Variants in BBX observed in about 807,000 individuals in gnomAD.
The protein encoded by BBX is HMG box transcription factor BBX.
A neutral mutation model predicts 100.2 loss-of-function variants in BBX; 30 were observed. That is an observed-to-expected ratio of 0.30 (90% CI 0.22 to 0.41). BBX has a LOEUF of 0.41. BBX is among the 10% of genes least tolerant of loss of function. The pLI, the probability that BBX is intolerant of heterozygous loss-of-function variation, is 1.00. For missense variants in BBX, 1,023 were observed against 1,129.8 expected, an observed-to-expected ratio of 0.91 and a Z score of 1.35; for synonymous variants, 376 against 388.1, an observed-to-expected ratio of 0.97 and a Z score of 0.37.
At chr3:107,728,699 A>G in intron 5 of BBX, 66 bp from the exon 6 acceptor site, 2 of 1,418,244 alleles carry the variant, frequency 1.4e-6, no homozygotes, top group Non-Finnish European at 1.9e-6. Context: ...GAATGGGGTG[A>G]CAGCCTTTAG....
intron 3 of BBX, among the ~76,000 whole-genome samples, chr3:107,694,803 C>T (rs369767194): frequency 6.6e-6 from 1 of 151,718 alleles, no homozygotes; most frequent in African/African-American, 2.4e-5. Context: ...TGATATAATT[C>T]AGCTGTGAAT....
Position 107,523,010 on chromosome 3 carries a change from C to G in BBX, c.-253C>G. 6.5e-6 allele frequency: 1 copy of G among 153,234 alleles called. No homozygotes were observed. Among genetic ancestry groups the G allele is most frequent in the East Asian group, 1.9e-4 (1 of 5,340 alleles). The allele number at this position is 153,234 out of a possible 1,614,324, so 9.5% of individuals were successfully genotyped here. A position where few individuals can be genotyped will look rare whatever the true frequency, so the allele number is the denominator to read the frequency against. On this transcript the variant is annotated 5_prime_UTR_variant, in exon 1 of 18. Transcript: ENST00000325805. ...AGTGTACAGTGAAGCGGAGGCAGAGCGGCTCCGCGAGCTTCTCTCCACTTT... is the reference window on the plus strand; with the variant it reads ...AGTGTACAGTGAAGCGGAGGCAGAGGGGCTCCGCGAGCTTCTCTCCACTTT...
intron 13 of BBX, among the ~76,000 whole-genome samples, chr3:107,788,968 G>A (rs948283130): frequency 6.6e-6 from 1 of 152,108 alleles, no homozygotes; most frequent in Admixed American, 6.5e-5. Flanking sequence ...GTGATGGAAT[G>A]GCCCATTAGA....
chr3:107,641,428 A>T (rs1206425015), intron 2 of BBX, among the ~76,000 whole-genome samples: 1 of 152,200 alleles, frequency 6.6e-6, no homozygotes, highest in Non-Finnish European at 1.5e-5. Flanking sequence ...AATATTAAGT[A>T]CTGAAGGGGA....
intron 2 of BBX, among the ~76,000 whole-genome samples, chr3:107,584,852 C>G (rs1381020512): frequency 6.6e-6 from 1 of 151,368 alleles, no homozygotes; most frequent in Non-Finnish European, 1.5e-5. Context: ...CAACCACACC[C>G]AGTGGTTTTA....
chr3:107,675,943 C>A (rs566761822), intron 3 of BBX, among the ~76,000 whole-genome samples: 3 of 152,030 alleles, frequency 2.0e-5, no homozygotes, highest in Non-Finnish European at 4.4e-5. Flanking sequence ...AAATATGACA[C>A]CAGAAATAGC....
intron 2 of BBX, among the ~76,000 whole-genome samples, chr3:107,540,642 T>C (rs2048802641): frequency 6.6e-6 from 1 of 152,206 alleles, no homozygotes; most frequent in Non-Finnish European, 1.5e-5. Context: ...AACTGCCAAA[T>C]CACATTATGT....
chr3:107,659,716 CAT>C (rs2058344659), intron 3 of BBX: 2 of 1,282,880 alleles, frequency 1.6e-6, no homozygotes, highest in Non-Finnish European at 2.0e-6. Flanking sequence ...ATTATCCTCA[CAT>C]GTTTGGGTAT....
chr3:107,801,771 G>A (rs1027584106), intron 17 of BBX, among the ~76,000 whole-genome samples: 2 of 152,140 alleles, frequency 1.3e-5, no homozygotes, highest in Admixed American at 1.3e-4. Flanking sequence ...ATTGGTGATG[G>A]TGTTGGTGCC....
intron 3 of BBX, among the ~76,000 whole-genome samples, chr3:107,652,500 T>C (rs2057897376): frequency 6.6e-6 from 1 of 152,210 alleles, no homozygotes; most frequent in South Asian, 2.1e-4. Context: ...AAAAGCTATT[T>C]ATGAAATGAC....
intron 8 of BBX, among the ~76,000 whole-genome samples, chr3:107,746,201 A>G (rs1219629063): frequency 1.3e-5 from 2 of 152,150 alleles, no homozygotes; most frequent in East Asian, 1.9e-4. Context: ...TTCCCCTTAT[A>G]TAAATTGTTT....
Position 107,683,691 on chromosome 3 carries a change from G to A in BBX, c.-9-26761G>A, listed in dbSNP as rs371736585. ...TACTAACTGCTGACTTTATGGATGC[G>A]TCCCAAAAGTTAGATTTGGCGTTAG... On this transcript the variant is annotated intron_variant, in intron 3 of 17. Transcript: ENST00000325805. 3.3e-5 allele frequency among the ~76,000 whole-genome samples: 5 copies of A among 152,184 alleles called. No individual in the cohort carries two copies. In the East Asian group the frequency reaches 5.8e-4, roughly 18 times the overall value.
chr3:107,668,700 C>T (rs1310442260), intron 3 of BBX, among the ~76,000 whole-genome samples: 1 of 152,184 alleles, frequency 6.6e-6, no homozygotes, highest in Non-Finnish European at 1.5e-5. Context: ...TGGAGACAGC[C>T]TTTCTTCTTC....
intron 3 of BBX, among the ~76,000 whole-genome samples, chr3:107,692,106 G>T (rs2060209827): frequency 6.6e-6 from 1 of 151,586 alleles, no homozygotes; most frequent in Non-Finnish European, 1.5e-5. Flanking sequence ...CATTGTTTCT[G>T]CATTGTTTTT....
At chr3:107,785,292 T>C (rs1457344910) in intron 13 of BBX, among the ~76,000 whole-genome samples, 1 of 151,756 alleles carries the variant, frequency 6.6e-6, no homozygotes, top group East Asian at 1.9e-4. Context: ...ACAAGAAAAG[T>C]AAACACTTCC....
chr3:107,738,122 C>T (rs2063790157), intron 7 of BBX, among the ~76,000 whole-genome samples: 1 of 151,632 alleles, frequency 6.6e-6, no homozygotes, highest in African/African-American at 2.4e-5. Context: ...TCTGTCACCT[C>T]CTCCAGGAAG....
intron 15 of BBX, among the ~76,000 whole-genome samples, chr3:107,795,812 C>T (rs2069588497): frequency 1.3e-5 from 2 of 151,996 alleles, no homozygotes; most frequent in Non-Finnish European, 2.9e-5. Context: ...CCTCCATTTG[C>T]AATCAACCCT....
At chr3:107,563,666 T>C (rs1264289552) in intron 2 of BBX, among the ~76,000 whole-genome samples, 1 of 152,222 alleles carries the variant, frequency 6.6e-6, no homozygotes, top group Admixed American at 6.5e-5. Flanking sequence ...ATTTCTGAAA[T>C]TATTTTAAAG....
Position 107,674,464 on chromosome 3 carries a change from G to A in BBX, c.-10+28555G>A, listed in dbSNP as rs143190570. Reference sequence around the variant, plus strand: ...GAAGTTTTAGACTAGAAACCCTTGCGCTAGTAATGACTTTGGGACTCTGGA... The same window carrying A: ...GAAGTTTTAGACTAGAAACCCTTGCACTAGTAATGACTTTGGGACTCTGGA... On this transcript the variant is annotated intron_variant, in intron 3 of 17. Transcript: ENST00000325805. Among the ~76,000 whole-genome samples, 11 of 152,208 alleles carry A rather than the reference G, an allele frequency of 7.2e-5. No homozygotes were observed. The East Asian group carries it at 2.1e-3, about 29-fold the overall frequency.
Sources: allele counts gnomAD v4.1 joint callset (sites outside exome capture counted in the v4.1 genomes callset), GRCh38; gene constraint gnomAD v4.1.1; transcripts MANE v1.5; gene names NCBI Gene and HGNC (gene_info 2026-07-23, HGNC 2026-07-21).